The following PALLD variants were observed in gnomAD, a reference collection of about 807,000 sequenced individuals.
PALLD encodes palladin.
PALLD carries 61 observed loss-of-function variants against 123.5 expected under a neutral mutation model. The ratio of observed to expected loss-of-function variants is 0.49; its 90% CI spans 0.40 to 0.61. PALLD has a LOEUF of 0.61. PALLD is among the 20% of genes least tolerant of loss of function. The pLI is 0.00. For synonymous variants in PALLD, 465 were observed against 496.4 expected (o/e 0.94, Z 0.84); for missense variants, 1,273 against 1,377.0 (o/e 0.92, Z 1.20).
At chr4:168,858,561 T>G (rs1457444948) in intron 10 of PALLD, among the ~76,000 whole-genome samples, 4 of 152,052 alleles carry the variant, frequency 2.6e-5, no homozygotes, top group Admixed American at 2.0e-4. Context: ...CTCAGGAGAA[T>G]TGCTTGAGCT....
chr4:168,695,686 G>C (rs1223190250), intron 8 of PALLD, among the ~76,000 whole-genome samples: 1 of 152,106 alleles, frequency 6.6e-6, no homozygotes, highest in Admixed American at 6.5e-5. Context: ...GTGGTACAGT[G>C]CCCAGCAGAT....
chr4:168,561,579 A>G (rs1422955520), intron 2 of PALLD, among the ~76,000 whole-genome samples: 1 of 152,220 alleles, frequency 6.6e-6, no homozygotes, highest in Non-Finnish European at 1.5e-5. Context: ...CCAGCCCCAG[A>G]TGACCAACTT....
chr4:168,894,995 G>A (rs10030960), intron 12 of PALLD, among the ~76,000 whole-genome samples: 102,721 of 152,012 alleles, frequency 0.68, 36,319 homozygotes, highest in East Asian at 0.96. Flanking sequence ...ACACATTTTC[G>A]CCGACATTGT....
rs576734176 is a variant in PALLD at position 168,697,247 on chromosome 4, T to G, written c.1501+5955T>G. 1.3e-3 allele frequency among the ~76,000 whole-genome samples: 203 copies of G among 152,358 alleles called. 1 individual carries two copies. Among genetic ancestry groups the G allele is most frequent in the Non-Finnish European group, 5.9e-4 (40 of 68,034 alleles). On this transcript the variant is annotated intron_variant, in intron 8 of 21. Transcript: ENST00000505667. Reference sequence around the variant, plus strand: ...AAATCTAGCAAAGATATTTTCAGACTTGTAAGATCCCCCAAATTTTCCTCT... The same window carrying G: ...AAATCTAGCAAAGATATTTTCAGACGTGTAAGATCCCCCAAATTTTCCTCT...
intron 2 of PALLD, among the ~76,000 whole-genome samples, chr4:168,661,583 T>C (rs1201368169): frequency 1.3e-5 from 2 of 152,252 alleles, no homozygotes; most frequent in Non-Finnish European, 2.9e-5. Context: ...TTAATTCTTT[T>C]GAAGGGGCAT....
chr4:168,788,080 G>A (rs1024882740), intron 10 of PALLD, among the ~76,000 whole-genome samples: 1 of 152,142 alleles, frequency 6.6e-6, no homozygotes, highest in Non-Finnish European at 1.5e-5. Flanking sequence ...TGTAGCATGC[G>A]ATTCCAAAAA....
intron 6 of PALLD, among the ~76,000 whole-genome samples, chr4:168,689,382 T>C (rs1274586367): frequency 6.6e-6 from 1 of 150,984 alleles, no homozygotes. Context: ...ATGGATAAAT[T>C]ATGTTTGAGT....
At chr4:168,794,780 T>C (rs146198355) in intron 10 of PALLD, among the ~76,000 whole-genome samples, 3 of 152,330 alleles carry the variant, frequency 2.0e-5, no homozygotes, top group African/African-American at 7.2e-5. Flanking sequence ...TCTTTAACCC[T>C]GTGCTTAGTA....
intron 10 of PALLD, among the ~76,000 whole-genome samples, chr4:168,798,005 A>T (rs890378142): frequency 5.9e-5 from 9 of 152,218 alleles, no homozygotes; most frequent in African/African-American, 2.2e-4. Context: ...TGTTAAGGGT[A>T]TCACATTCAA....
intron 18 of PALLD, among the ~76,000 whole-genome samples, chr4:168,923,789 A>G (rs554613784): frequency 6.6e-6 from 1 of 152,328 alleles, no homozygotes; most frequent in South Asian, 2.1e-4. Flanking sequence ...CTTAAGAGTT[A>G]CAAATATTCA....
At chr4:168,593,037 C>A (rs1377289050) in intron 2 of PALLD, among the ~76,000 whole-genome samples, 2 of 151,692 alleles carry the variant, frequency 1.3e-5, no homozygotes, top group African/African-American at 4.8e-5. Context: ...AAAAAGTCAA[C>A]TATGCAAAAA....
intron 10 of PALLD, among the ~76,000 whole-genome samples, chr4:168,792,181 A>AT (rs1737619482): frequency 6.6e-6 from 1 of 152,140 alleles, no homozygotes; most frequent in South Asian, 2.1e-4. Context: ...TGAGGTACAC[A>AT]TCACTGGATC....
chr4:168,733,351 T>C (rs1053869694), intron 10 of PALLD, among the ~76,000 whole-genome samples: 1 of 152,232 alleles, frequency 6.6e-6, no homozygotes, highest in Non-Finnish European at 1.5e-5. Flanking sequence ...ACAAATTTAC[T>C]GCTTAGGGAT....
intron 2 of PALLD, among the ~76,000 whole-genome samples, chr4:168,571,488 C>T (rs909525442): frequency 1.3e-5 from 2 of 152,112 alleles, no homozygotes; most frequent in Non-Finnish European, 2.9e-5. Flanking sequence ...ACTTATCAAC[C>T]ATTCAATTAG....
At position 168,498,722 on chromosome 4, in the gene PALLD, CAT is replaced by C. The variant is rs149477785; in HGVS notation, c.-83+1531_-83+1532del. Among the ~76,000 whole-genome samples, 966 of 152,228 alleles carry C rather than the reference CAT, an allele frequency of 6.3e-3. 12 individuals are homozygous for C. Among genetic ancestry groups the C allele is most frequent in the African/African-American group, 0.018 (748 of 41,524 alleles). On this transcript the variant is annotated intron_variant, in intron 1 of 21. Transcript: ENST00000505667. ...CGACTAAAATTTCTAACTGTTAAAT[CAT>C]ATTAGAGAATATAGAAGCAAATTTG...
At chr4:168,782,004 C>T (rs1735994202) in intron 10 of PALLD, among the ~76,000 whole-genome samples, 2 of 152,154 alleles carry the variant, frequency 1.3e-5, no homozygotes, top group Non-Finnish European at 2.9e-5. Context: ...CTGCCTTCCC[C>T]AACCAGATTC....
chr4:168,534,383 C>T (rs1224446703), intron 2 of PALLD, among the ~76,000 whole-genome samples: 1 of 152,194 alleles, frequency 6.6e-6, no homozygotes, highest in Non-Finnish European at 1.5e-5. Context: ...CACTATGAAA[C>T]TAATACCTTC....
chr4:168,879,583 C>A (rs1034454939), intron 10 of PALLD, among the ~76,000 whole-genome samples: 1 of 152,214 alleles, frequency 6.6e-6, no homozygotes, highest in African/African-American at 2.4e-5. Flanking sequence ...TACACTAATG[C>A]CACCTTAAAG....
At chr4:168,501,629 T>G (rs1579981943) in intron 1 of PALLD, among the ~76,000 whole-genome samples, 1 of 152,220 alleles carries the variant, frequency 6.6e-6, no homozygotes, top group Middle Eastern at 3.4e-3. Flanking sequence ...TTGCTTAAGA[T>G]GAAGAGTTTG....
Sources: allele counts gnomAD v4.1 joint callset (sites outside exome capture counted in the v4.1 genomes callset), GRCh38; gene constraint gnomAD v4.1.1; transcripts MANE v1.5; gene names NCBI Gene and HGNC (gene_info 2026-07-23, HGNC 2026-07-21).